OBSL1: variants seen among roughly 807,000 people sequenced by gnomAD.
The protein encoded by OBSL1 is obscurin like cytoskeletal adaptor 1, also known as obscurin-like protein 1.
OBSL1 carries 160 observed loss-of-function variants against 172.0 expected under a neutral mutation model. The observed-to-expected ratio is 0.93, with a 90% CI of 0.82 to 1.06. OBSL1 has a LOEUF of 1.06. Ranked by LOEUF, OBSL1 falls within the 50% of genes least tolerant of loss-of-function variation. OBSL1 has a pLI of 0.00. For missense variants in OBSL1, 2,681 were observed against 2,715.4 expected (o/e 0.99, Z 0.28); for synonymous variants, 1,200 against 1,196.3 (o/e 1.00, Z -0.06).
At chr2:219,556,313 C>T (rs1387802798) in intron 13 of OBSL1, 21 bp from the exon 14 acceptor site, 8 of 1,570,936 alleles carry the variant, frequency 5.1e-6, no homozygotes, top group Non-Finnish European at 6.1e-6. Flanking sequence ...AGAAGGAGGC[C>T]ATGGAGTCTG....
In OBSL1 at chr2:219,566,836, T is replaced by C; in HGVS notation, c.2128A>G (p.Ile710Val). ...PGVQDSAALT[I>V]QESPVHILSP... ...GGTCCCCACTGGCACCAACCTTGGA[T>C]TGTGAGGGCAGCTGAGTCCTGCACG... Residue 710 changes from isoleucine (I) to valine (V), a missense_variant, in exon 5 of 21, where the codon ATC becomes GTC. By Grantham distance (29) the Ile-to-Val change is conservative (BLOSUM62 3). Coordinates refer to ENST00000404537, the MANE Select transcript of OBSL1 (RefSeq NM_015311.3). 1 of 1,578,070 alleles carries C rather than the reference T, an allele frequency of 6.3e-7. No individual in the cohort carries two copies. Among genetic ancestry groups the C allele is most frequent in the Non-Finnish European group, 8.7e-7 (1 of 1,155,172 alleles).
rs560034141 is a variant in OBSL1, at chr2:219,563,614, G to A, written c.2421C>T (p.His807=). 6.0e-5 allele frequency: 97 copies of A among 1,612,112 alleles called. No individual in the cohort carries two copies. The highest frequency in any genetic ancestry group is 4.2e-5 in the Non-Finnish European group (50 of 1,178,778). Residue 807 remains histidine, a synonymous_variant, in exon 7 of 21, where the codon CAC becomes CAT. Coordinates refer to ENST00000404537, the MANE Select transcript of OBSL1 (RefSeq NM_015311.3). ...FGVTVQDPPV[H]IVDPREHVFV... ...ACACATGTTCTCGGGGGTCCACGAT[G>A]TGCACGGGAGGATCTGGGTGGGAAG... is the stretch of plus-strand genomic sequence containing the variant.
At position 219,567,825 on chromosome 2, in the gene OBSL1, G is replaced by A; in HGVS notation, c.1427C>T (p.Ser476Leu). The change falls in exon 3 of 21, where the codon TCA becomes TTA. Residue 476 changes from serine to leucine, a missense_variant. This residue lies in a region of OBSL1 where 706 missense variants were observed against 695.8 expected (regional missense o/e 1.01). Coordinates refer to ENST00000404537, the MANE Select transcript of OBSL1 (RefSeq NM_015311.3). The part of the protein sequence containing the change: ...EELPVICQSS[S>L]GHMHALVLPG... ...AAGGACCAGGGCATGCATGTGGCCT[G>A]AGCTGCTCTGGCAGATGACCGGCAG... 1 of 1,613,972 alleles carries A rather than the reference G, an allele frequency of 6.2e-7. No individual in the cohort carries two copies. The highest frequency in any genetic ancestry group is 8.5e-7 in the Non-Finnish European group (1 of 1,179,888).
At chr2:219,548,499 G>C (rs1695442466), downstream of OBSL1, among the ~76,000 whole-genome samples, 1 of 152,194 alleles carries the variant, frequency 6.6e-6, no homozygotes, top group Non-Finnish European at 1.5e-5. Flanking sequence ...GCTTGAAGGA[G>C]GTGATATGTA....
chr2:219,555,809 T>C, intron 14 of OBSL1: 40 of 1,397,916 alleles, frequency 2.9e-5, no homozygotes, highest in South Asian at 3.7e-5. Flanking sequence ...AAATATGCAA[T>C]GGAATGCAAA....
In OBSL1 at chr2:219,554,462, TG is replaced by T. The variant is rs1695853791; in HGVS notation, c.4876+11del. 6.2e-7 allele frequency: 1 copy of T among 1,611,802 alleles called. No individual in the cohort carries two copies. ...CAGGTCAGCAGGCAGGCTGTGGTCC[TG>T]GAGGCCACACCTCTCACAATGAGTC... On this transcript the variant is annotated intron_variant, in intron 15 of 20. Transcript: ENST00000404537.
chr2:219,567,158 C>A (rs1442598580), intron 4 of OBSL1, 32 bp from the exon 5 acceptor site: 6 of 1,603,698 alleles, frequency 3.7e-6, no homozygotes, highest in Middle Eastern at 1.7e-4. Context: ...GCTGTCAGAA[C>A]TAGAAGGTGT....
Position 219,553,699 on chromosome 2 carries a change from G to A in OBSL1, c.4877-13C>T, listed in dbSNP as rs1427106496. The A allele has an allele frequency of 1.9e-6, 3 of 1,598,990 alleles. No individual in the cohort carries two copies. The highest frequency in any genetic ancestry group is 2.2e-5 in the East Asian group (1 of 44,730). On this transcript the variant is annotated splice_polypyrimidine_tract_variant and intron_variant, in intron 15 of 20. Coordinates refer to ENST00000404537, the MANE Select transcript of OBSL1 (RefSeq NM_015311.3). ...GTCACTGGGACCTCTGGGGGTGGGA[G>A]AGGGAGGACAGTGCAGAGGGAGCAG...
chr2:219,557,640 T>C (rs768558101), intron 11 of OBSL1, 22 bp from the exon 12 acceptor site: 1 of 1,517,258 alleles, frequency 6.6e-7, no homozygotes, highest in Non-Finnish European at 8.8e-7. Flanking sequence ...GAGCTGGAGG[T>C]CACTGGGAGG....
Position 219,570,765 on chromosome 2 carries a change from C to A in OBSL1, c.468G>T (p.Glu156Asp). 1.3e-6 allele frequency: 2 copies of A among 1,490,888 alleles called. No individual in the cohort carries two copies. Among genetic ancestry groups the A allele is most frequent in the Non-Finnish European group, 1.8e-6 (2 of 1,127,246 alleles). 92.4% of individuals were successfully genotyped at this position (1,490,888 alleles called of 1,614,324 possible). ...VLTCRAGGLP[E>D]PTLYWEKDGM... ...CGTCCTTCTCCCAGTACAGTGTGGG[C>A]TCGGGGAGGCCCCCCGCCCGGCACG... The change falls in exon 1 of 21, where the codon GAG becomes GAT. Residue 156 changes from glutamate (E) to aspartate (D), a missense_variant. Physicochemically the swap from Glu to Asp is conservative, Grantham distance 45. Around this residue, in one of 5 missense-constraint regions of OBSL1, gnomAD observed 706 missense variants for 695.8 expected, o/e 1.01. Transcript: ENST00000404537.
chr2:219,563,241 G>T (rs1245798781), intron 7 of OBSL1, 114 bp downstream of exon 7: 15 of 1,108,734 alleles, frequency 1.4e-5, no homozygotes, highest in Non-Finnish European at 1.9e-5. Flanking sequence ...CGATCTGCCA[G>T]GGGGAGGGCA....
At position 219,556,721 on chromosome 2, in the gene OBSL1, G is replaced by A. The variant is rs200543358; in HGVS notation, c.4069C>T (p.Pro1357Ser). The A allele has an allele frequency of 1.1e-3, 1,799 of 1,598,688 alleles. 5 individuals carry two copies. The highest frequency in any genetic ancestry group is 1.3e-3 in the Admixed American group (79 of 59,414). Reference protein sequence around the residue: ...SRIFLVSVEEPLLVKLVSELT... With the variant: ...SRIFLVSVEESLLVKLVSELT... The stretch of plus-strand genomic sequence containing the variant: ...TCCGAGACCAGCTTCACCAGCAGTG[G>A]CTCTAAGGGGCACGGTAAGGCAGTG... Residue 1357 changes from proline (P) to serine (S), a missense_variant and splice_region_variant, in exon 13 of 21, where the codon CCA (proline) becomes TCA (serine). Pro to Ser is a moderately conservative substitution (Grantham distance 74). This residue lies in a region of OBSL1 where 1,765 missense variants were observed against 1,748.3 expected (regional missense o/e 1.01). Transcript: ENST00000404537.
At position 219,561,648 on chromosome 2, in the gene OBSL1, C is replaced by T. The variant is rs1039899; in HGVS notation, c.2953+754G>A. On this transcript the variant is annotated intron_variant, in intron 8 of 20. Transcript: ENST00000404537. ...GGAAGGGTGACTTTCTCCCAGGCCT[C>T]CCTGACCCTCCTGCTCTGTGCTCTT... 528,595 of 546,392 alleles carry T rather than the reference C, an allele frequency of 0.97. 257,089 individuals are homozygous for T. The highest frequency in any genetic ancestry group is 1 in the Non-Finnish European group (302,810 of 303,214). 33.8% of individuals were successfully genotyped at this position (546,392 alleles called of 1,614,324 possible).
rs2106025189 is a variant in OBSL1, at chr2:219,556,228, A to G, written c.4401T>C (p.Cys1467=). 2 of 1,608,300 alleles carry G rather than the reference A, an allele frequency of 1.2e-6. No individual in the cohort carries two copies. Among genetic ancestry groups the G allele is most frequent in the East Asian group, 4.5e-5 (2 of 44,716 alleles). The change falls in exon 14 of 21, where the codon TGT becomes TGC. Residue 1467 remains cysteine, a synonymous_variant. Transcript: ENST00000404537. ...CCACTCGGCCTGTCTCCACTTCGAG[A>G]CACACATCCTGGCCTTCCTCTGCCC... ...DVRAEEGQDV[C]LEVETGRVGA... is the part of the protein sequence containing the mutation.
chr2:219,559,322 G>C lies in OBSL1; in HGVS notation c.3129C>G (p.Arg1043=). ...EALVLERDGP[R]CRLVLPAAQP... is the part of the protein sequence containing the mutation. ...GAGCAGCAGGTAGCACCAGGCGGCA[G>C]CGTGGCCCATCCCTCTCCAGCACCA... is the stretch of plus-strand genomic sequence containing the variant. The change falls in exon 9 of 21, where the codon CGC becomes CGG. Residue 1043 remains arginine (R), a synonymous_variant. Transcript: ENST00000404537. 6.2e-7 allele frequency: 1 copy of C among 1,614,000 alleles called. No homozygotes were observed. The highest frequency in any genetic ancestry group is 8.5e-7 in the Non-Finnish European group (1 of 1,179,892).
At chr2:219,548,752 T>C (rs753434220), downstream of OBSL1, among the ~76,000 whole-genome samples, 3 of 152,144 alleles carry the variant, frequency 2.0e-5, no homozygotes, top group East Asian at 1.9e-4. Flanking sequence ...TAGGGGAGGA[T>C]AGAATCTAAT....
intron 8 of OBSL1, among the ~76,000 whole-genome samples, chr2:219,561,347 C>G (rs967875003): frequency 6.6e-6 from 1 of 152,080 alleles, no homozygotes; most frequent in Non-Finnish European, 1.5e-5. Context: ...GCCGTCACCC[C>G]GAGGTCTCCG....
chr2:219,550,950 C>G, intron 20 of OBSL1, 108 bp from the exon 21 acceptor site: 3 of 1,546,340 alleles, frequency 1.9e-6, no homozygotes, highest in Non-Finnish European at 2.6e-6. Context: ...CCCCCAGGTT[C>G]TGCCCTACCC....
rs562383235 is a variant in OBSL1, at chr2:219,567,064, C to T, written c.1900G>A (p.Val634Ile). The T allele has an allele frequency of 3.7e-5, 59 of 1,613,136 alleles. 1 individual carries two copies. In the Middle Eastern group the frequency reaches 1.5e-3, roughly 41 times the overall value. The change falls in exon 5 of 21, where the codon GTC (valine) becomes ATC (isoleucine). Residue 634 changes from valine (V) to isoleucine (I), a missense_variant. Physicochemically the swap from Val to Ile is conservative, Grantham distance 29. Around this residue, in one of 5 missense-constraint regions of OBSL1, gnomAD observed 53 missense variants for 85.5 expected, o/e 0.62. Transcript: ENST00000404537. ...DVQVYDGEDA[V>I]FSLDLSTIIQ... ...ATGGTGGAGAGATCGAGGGAGAAGA[C>T]GGCATCTTCCCCGTCGTATACCTGC...
Sources: allele counts gnomAD v4.1 joint callset (sites outside exome capture counted in the v4.1 genomes callset), GRCh38; gene constraint gnomAD v4.1.1; regional missense constraint gnomAD v4.1.1; transcripts MANE v1.5; gene names NCBI Gene and HGNC (gene_info 2026-07-23, HGNC 2026-07-21).